The following ADAMTS9 variants were observed in gnomAD, a reference collection of about 807,000 sequenced individuals.
The protein encoded by ADAMTS9 is A disintegrin and metalloproteinase with thrombospondin motifs 9.
Under a neutral mutation model 257.1 loss-of-function variants are expected in ADAMTS9, and 107 were observed. The ratio of observed to expected loss-of-function variants is 0.42; its 90% CI spans 0.36 to 0.49. ADAMTS9 has a LOEUF of 0.49. Among genes scored for constraint, ADAMTS9 ranks in the 20% least tolerant of loss-of-function variants. ADAMTS9 has a pLI of 0.03. For missense variants in ADAMTS9, 2,353 were observed against 2,469.1 expected, an observed-to-expected ratio of 0.95 and a Z score of 1.00; for synonymous variants, 982 against 880.9, an observed-to-expected ratio of 1.11 and a Z score of -2.03.
intron 37 of ADAMTS9, among the ~76,000 whole-genome samples, chr3:64,534,160 T>C (rs1185062095): frequency 2.6e-5 from 4 of 152,202 alleles, no homozygotes. Context: ...AACAGTCTTT[T>C]ATAAACAAGA....
At chr3:64,592,563 G>T (rs1044648327) in intron 28 of ADAMTS9, 1 of 152,108 alleles carries the variant, frequency 6.6e-6, no homozygotes, top group Non-Finnish European at 1.5e-5. Context: ...AGAATACCAT[G>T]GAAATTAATT....
intron 38 of ADAMTS9, among the ~76,000 whole-genome samples, chr3:64,530,405 G>A (rs1466228995): frequency 1.3e-5 from 2 of 151,850 alleles, no homozygotes; most frequent in East Asian, 3.9e-4. Flanking sequence ...CATTTCTCCA[G>A]ACAGCCGGGG....
chr3:64,674,606 A>C (rs1701579288), intron 3 of ADAMTS9, among the ~76,000 whole-genome samples: 1 of 152,190 alleles, frequency 6.6e-6, no homozygotes, highest in Non-Finnish European at 1.5e-5. Flanking sequence ...CAAGGCTGAA[A>C]GGGTCTAAGA....
chr3:64,542,418 A>ATTTC lies in ADAMTS9; in HGVS notation c.5065-452_5065-449dup, dbSNP rs1397511602. Reference sequence around the variant, plus strand: ...ATACACTTTTGCCTGATCACTTTTCATTTCTTTCTTTCTTTTTTTTTTTTT... The same window carrying ATTTC: ...ATACACTTTTGCCTGATCACTTTTCATTTCTTTCTTTCTTTCTTTTTTTTTTTTT... On this transcript the variant is annotated intron_variant, in intron 32 of 39. Coordinates refer to ENST00000498707, the MANE Select transcript of ADAMTS9 (RefSeq NM_182920.2). Among the ~76,000 whole-genome samples, 120 of 125,532 alleles carry ATTTC rather than the reference A, an allele frequency of 9.6e-4. 19 individuals are homozygous for ATTTC. Among genetic ancestry groups the ATTTC allele is most frequent in the African/African-American group, 1.1e-3 (35 of 31,904 alleles). 82.4% of individuals were successfully genotyped at this position (125,532 alleles called of 152,430 possible). A position where few individuals can be genotyped will look rare whatever the true frequency, so the allele number is the denominator to read the frequency against.
chr3:64,651,250 G>C (rs1322817308), intron 8 of ADAMTS9, 87 bp from the exon 9 acceptor site: 2 of 1,247,068 alleles, frequency 1.6e-6, no homozygotes, highest in African/African-American at 3.2e-5. Flanking sequence ...AACTATCTAA[G>C]AGAAAAAAAT....
chr3:64,529,763 G>A (rs956802656), intron 38 of ADAMTS9, among the ~76,000 whole-genome samples: 4 of 152,120 alleles, frequency 2.6e-5, no homozygotes, highest in Admixed American at 2.6e-4. Flanking sequence ...GCATCACCAG[G>A]GAAATGGTTA....
At chr3:64,586,789 G>A (rs766159696) in intron 28 of ADAMTS9, 4 of 152,000 alleles carry the variant, frequency 2.6e-5, no homozygotes, top group East Asian at 1.9e-4. Flanking sequence ...GCCTCAACTC[G>A]GTTTCTTCTG....
intron 3 of ADAMTS9, among the ~76,000 whole-genome samples, chr3:64,677,141 C>T (rs561241318): frequency 1.3e-5 from 2 of 152,228 alleles, no homozygotes; most frequent in South Asian, 2.1e-4. Flanking sequence ...TTTGCTTGTG[C>T]CCCTGGTGTG....
At chr3:64,611,974 A>T (rs72890808) in intron 22 of ADAMTS9, among the ~76,000 whole-genome samples, 1 of 152,206 alleles carries the variant, frequency 6.6e-6, no homozygotes, top group Non-Finnish European at 1.5e-5. Context: ...TTTCATTTCC[A>T]TTAAAACAAA....
At chr3:64,619,835 A>T (rs1559795246) in intron 19 of ADAMTS9, among the ~76,000 whole-genome samples, 1 of 151,982 alleles carries the variant, frequency 6.6e-6, no homozygotes, top group African/African-American at 2.4e-5. Flanking sequence ...CCACCAATTC[A>T]TTTTTTTCCC....
rs138860285 is a variant in ADAMTS9 at position 64,546,788 on chromosome 3, C to T, written c.5034G>A (p.Ser1678=). ...HPCYLRDCPV[S]ATWRVGNWGS... is the part of the protein sequence containing the mutation. ...CCCAGTTGCCAACTCTCCAGGTGGC[C>T]GAGACAGGGCAGTCCCTCAGGTAAC... The change falls in exon 32 of 40, where the codon TCG becomes TCA. Residue 1678 remains serine (S), a synonymous_variant. Transcript: ENST00000498707. 100 of 1,609,952 alleles carry T rather than the reference C, an allele frequency of 6.2e-5. No homozygotes were observed. In the African/African-American group the frequency reaches 6.8e-4, roughly 11 times the overall value.
intron 32 of ADAMTS9, among the ~76,000 whole-genome samples, chr3:64,542,564 A>G (rs1477257565): frequency 6.6e-6 from 1 of 151,856 alleles, no homozygotes; most frequent in Non-Finnish European, 1.5e-5. Flanking sequence ...AGTATCTGGG[A>G]CTACAGGCAC....
At chr3:64,542,356 G>A (rs1398968775) in intron 32 of ADAMTS9, among the ~76,000 whole-genome samples, 1 of 151,892 alleles carries the variant, frequency 6.6e-6, no homozygotes, top group Non-Finnish European at 1.5e-5. Flanking sequence ...GGTCATAGTG[G>A]AGCCAGGATT....
At chr3:64,542,035 G>A (rs2083130794) in intron 32 of ADAMTS9, 65 bp from the exon 33 acceptor site, 2 of 1,601,104 alleles carry the variant, frequency 1.2e-6, no homozygotes, top group Non-Finnish European at 1.7e-6. Flanking sequence ...TTCTGGTGGT[G>A]TGGAGCTCAG....
chr3:64,566,796 C>T (rs1207406291), intron 29 of ADAMTS9, among the ~76,000 whole-genome samples: 2 of 150,944 alleles, frequency 1.3e-5, no homozygotes, highest in African/African-American at 4.9e-5. Flanking sequence ...CCACAAGAGA[C>T]AAGCTAATTA....
At chr3:64,558,720 T>C (rs536709610) in intron 30 of ADAMTS9, among the ~76,000 whole-genome samples, 6 of 152,226 alleles carry the variant, frequency 3.9e-5, no homozygotes, top group South Asian at 2.1e-4. Flanking sequence ...ATAGTCCACA[T>C]AGGGGACTAT....
chr3:64,564,776 A>G (rs7650200), intron 29 of ADAMTS9, among the ~76,000 whole-genome samples: 9,662 of 151,994 alleles, frequency 0.064, 1,026 homozygotes, highest in African/African-American at 0.22. Context: ...CCCCATTTGA[A>G]AGCTTAGCTC....
At chr3:64,640,686 G>C (rs1700614798) in intron 12 of ADAMTS9, among the ~76,000 whole-genome samples, 1 of 152,122 alleles carries the variant, frequency 6.6e-6, no homozygotes, top group South Asian at 2.1e-4. Context: ...CAAGTCTGAG[G>C]AAGTGCCATA....
chr3:64,674,393 G>A (rs1576184042), intron 3 of ADAMTS9, among the ~76,000 whole-genome samples: 1 of 152,206 alleles, frequency 6.6e-6, no homozygotes, highest in Non-Finnish European at 1.5e-5. Flanking sequence ...TCAGTCTTGA[G>A]TTGCAGTGCC....
Sources: allele counts gnomAD v4.1 joint callset (sites outside exome capture counted in the v4.1 genomes callset), GRCh38; gene constraint gnomAD v4.1.1; transcripts MANE v1.5; gene names NCBI Gene and HGNC (gene_info 2026-07-23, HGNC 2026-07-21).